FHIP1B: variants seen among roughly 807,000 people sequenced by gnomAD.
FHIP1B encodes the protein FHF complex subunit HOOK interacting protein 1B.
FHIP1B carries 28 observed loss-of-function variants against 82.2 expected under a neutral mutation model. The ratio of observed to expected loss-of-function variants is 0.34; its 90% CI spans 0.25 to 0.47. FHIP1B has a LOEUF of 0.47. Ranked by LOEUF, FHIP1B falls within the 20% of genes least tolerant of loss-of-function variation. FHIP1B has a pLI of 1.00. For synonymous variants in FHIP1B, 585 were observed against 516.1 expected (o/e 1.13, Z -1.81); for missense variants, 1,110 against 1,262.6 (o/e 0.88, Z 1.83).
At position 6,219,098 on chromosome 11, in the gene FHIP1B, C is replaced by T. The variant is rs930817706; in HGVS notation, c.1192-48G>A. The T allele has an allele frequency of 1.0e-5, 15 of 1,473,038 alleles. No individual in the cohort carries two copies. The South Asian group carries it at 1.5e-4, about 15-fold the overall frequency. The allele number at this position is 1,473,038 out of a possible 1,614,324, so 91.2% of individuals were successfully genotyped here. On this transcript the variant is annotated intron_variant, in intron 6 of 11. Coordinates refer to ENST00000449352, the MANE Select transcript of FHIP1B (RefSeq NM_001098794.2). The stretch of plus-strand genomic sequence containing the variant: ...GGGAGTCACCATAAGAGCTCTCTGC[C>T]CTCCAAGCCATTCACCAAACGGGAA...
At position 6,223,940 on chromosome 11, in the gene FHIP1B, A is replaced by G. The variant is rs781740939; in HGVS notation, c.447T>C (p.Gly149=). Residue 149 remains glycine (G), a synonymous_variant, in exon 3 of 12, where the codon GGT becomes GGC. Coordinates refer to ENST00000449352, the MANE Select transcript of FHIP1B (RefSeq NM_001098794.2). This position sits in a 1 kb window ranked among gnomAD's most constrained non-coding sequence, Gnocchi z 4.8. ...GGGTGAGCAGAGCCTCACGAACTGGACCATGCCGCAACAGTGGCTGGCGAG... is the reference window on the plus strand; with the variant it reads ...GGGTGAGCAGAGCCTCACGAACTGGGCCATGCCGCAACAGTGGCTGGCGAG... ...SEARQPLLRH[G]PVREALLTLL... 6.2e-6 allele frequency: 10 copies of G among 1,614,186 alleles called. No individual in the cohort carries two copies. The Admixed American group carries it at 6.7e-5, about 11-fold the overall frequency.
chr11:6,215,079 G>A (rs931429017), intron 9 of FHIP1B, 168 bp from the exon 10 acceptor site: 5 of 584,146 alleles, frequency 8.6e-6, no homozygotes, highest in Non-Finnish European at 1.4e-5. Context: ...GAAATAAGAT[G>A]GCAGACACCA....
Position 6,211,518 on chromosome 11 carries a change from G to C in FHIP1B, c.2907C>G (p.Pro969=), listed in dbSNP as rs1489347528. The change falls in exon 12 of 12, where the codon CCC becomes CCG. Residue 969 remains proline, a synonymous_variant. Transcript: ENST00000449352. ...GSGPLISGCG[P]LNP ...CCATGGAAGAAAGTTAAGGATTGAG[G>C]GGCCCACAGCCTGAGATGAGAGGGC... 3 of 1,596,434 alleles carry C rather than the reference G, an allele frequency of 1.9e-6. No homozygotes were observed. The highest frequency in any genetic ancestry group is 2.2e-5 in the East Asian group (1 of 44,786).
At chr11:6,226,440 A>G (rs559664343) in intron 1 of FHIP1B, among the ~76,000 whole-genome samples, 1 of 152,366 alleles carries the variant, frequency 6.6e-6, no homozygotes, top group South Asian at 2.1e-4. Flanking sequence ...TTGTAAATAG[A>G]AGTATTTATA....
Position 6,222,805 on chromosome 11 carries a change from T to G in FHIP1B, c.1023+6A>C. The G allele has an allele frequency of 1.2e-6, 2 of 1,613,836 alleles. No individual in the cohort carries two copies. Among genetic ancestry groups the G allele is most frequent in the South Asian group, 2.2e-5 (2 of 91,066 alleles). On this transcript the variant is annotated splice_donor_region_variant and intron_variant, in intron 5 of 11. Transcript: ENST00000449352. ...CCTTATATGCCTTGCCACCCATGAC[T>G]CTCACCTTGTGCAAGGCAGGACCCA...
In FHIP1B at chr11:6,217,290, A is replaced by G. The variant is rs529000908; in HGVS notation, c.2215+81T>C. The G allele has an allele frequency of 1.4e-5, 18 of 1,316,176 alleles. No individual in the cohort carries two copies. In the South Asian group the frequency reaches 2.0e-4, roughly 15 times the overall value. The allele number at this position is 1,316,176 out of a possible 1,614,324, so 81.5% of individuals were successfully genotyped here. On this transcript the variant is annotated intron_variant, in intron 9 of 11. Coordinates refer to ENST00000449352, the MANE Select transcript of FHIP1B (RefSeq NM_001098794.2). Reference sequence around the variant, plus strand: ...CAAGTACACAGAAATGACATGGCCAAGAGGTCCAAGAAACCAGCACAAACA... The same window carrying G: ...CAAGTACACAGAAATGACATGGCCAGGAGGTCCAAGAAACCAGCACAAACA...
intron 1 of FHIP1B, among the ~76,000 whole-genome samples, chr11:6,228,448 T>C (rs1216642028): frequency 6.6e-6 from 1 of 152,122 alleles, no homozygotes; most frequent in African/African-American, 2.4e-5. Flanking sequence ...CTCAAGGGTG[T>C]CTGTCAAGTG....
chr11:6,217,328 G>T, intron 9 of FHIP1B, 43 bp downstream of exon 9: 1 of 1,558,776 alleles, frequency 6.4e-7, no homozygotes. Context: ...TCGAGAACAT[G>T]CAAAGAGTAC....
chr11:6,224,204 C>T lies in FHIP1B; in HGVS notation c.183G>A (p.Gly61=). The change falls in exon 3 of 12, where the codon GGG becomes GGA. Residue 61 remains glycine, a synonymous_variant. Coordinates refer to ENST00000449352, the MANE Select transcript of FHIP1B (RefSeq NM_001098794.2). ...LERQGPRAAP[G]GADDLSAVRN... is the part of the protein sequence containing the mutation. Reference sequence around the variant, plus strand: ...GCACAGCACTGAGATCGTCTGCACCCCCAGGAGCTGCCCGAGGGCCTTGCC... The same window carrying T: ...GCACAGCACTGAGATCGTCTGCACCTCCAGGAGCTGCCCGAGGGCCTTGCC... The T allele has an allele frequency of 1.2e-6, 2 of 1,611,774 alleles. No individual in the cohort carries two copies. The highest frequency in any genetic ancestry group is 1.3e-5 in the African/African-American group (1 of 75,018).
At chr11:6,215,205 G>C in intron 9 of FHIP1B, 1 of 279,422 alleles carries the variant, frequency 3.6e-6, no homozygotes, top group Non-Finnish European at 6.6e-6. Flanking sequence ...TTACTAGTTT[G>C]GACAGGTCAA....
chr11:6,223,111 C>T lies in FHIP1B; in HGVS notation c.905G>A (p.Ser302Asn). The T allele has an allele frequency of 1.3e-6, 2 of 1,589,290 alleles. No individual in the cohort carries two copies. The highest frequency in any genetic ancestry group is 1.7e-6 in the Non-Finnish European group (2 of 1,171,972). ...LGVPALALFM[S>N]SLEFCNAVIQ... ...TACTGCATTGCAGAACTCCAGGGAACTCATGAAGAGTGCAAGGGCTGGCAC... is the reference window on the plus strand; with the variant it reads ...TACTGCATTGCAGAACTCCAGGGAATTCATGAAGAGTGCAAGGGCTGGCAC... Residue 302 changes from serine (S) to asparagine (N), a missense_variant, in exon 4 of 12, where the codon AGT (serine) becomes AAT (asparagine). By Grantham distance (46) the Ser-to-Asn change is conservative. Around this residue, in one of 6 missense-constraint regions of FHIP1B, gnomAD observed 467 missense variants for 602.9 expected, o/e 0.77. Coordinates refer to ENST00000449352, the MANE Select transcript of FHIP1B (RefSeq NM_001098794.2). This position sits in a 1 kb window ranked among gnomAD's most constrained non-coding sequence, Gnocchi z 4.8.
intron 7 of FHIP1B, 70 bp downstream of exon 7, chr11:6,218,901 T>C (rs1847328088): frequency 4.4e-6 from 7 of 1,580,464 alleles, no homozygotes; most frequent in South Asian, 2.2e-5. Flanking sequence ...ATATAGCCCA[T>C]TGCCCCAGCA....
At chr11:6,212,921 G>A (rs1327805893) in intron 11 of FHIP1B, among the ~76,000 whole-genome samples, 1 of 152,008 alleles carries the variant, frequency 6.6e-6, no homozygotes, top group Non-Finnish European at 1.5e-5. Flanking sequence ...ATCATTCTAC[G>A]TGAAATTTTA....
At position 6,224,055 on chromosome 11, in the gene FHIP1B, G is replaced by A. The variant is rs757826458; in HGVS notation, c.332C>T (p.Thr111Ile). Residue 111 changes from threonine to isoleucine, a missense_variant, in exon 3 of 12, where the codon ACA becomes ATA. By Grantham distance (89) the Thr-to-Ile change is moderately conservative. Transcript: ENST00000449352. ...AAGCTCATCCCATTGCAGCTGCCAT[G>A]TCAACACACGGGTCAGCAGATCCTC... is the stretch of plus-strand genomic sequence containing the variant. Reference protein sequence around the residue: ...LHEDLLTRVLTWQLQWDELGD... With the variant: ...LHEDLLTRVLIWQLQWDELGD... 94 of 1,613,408 alleles carry A rather than the reference G, an allele frequency of 5.8e-5. No homozygotes were observed. Among genetic ancestry groups the A allele is most frequent in the Non-Finnish European group, 7.7e-5 (91 of 1,179,688 alleles).
At chr11:6,221,763 C>T (rs1847414476) in intron 6 of FHIP1B, among the ~76,000 whole-genome samples, 2 of 152,070 alleles carry the variant, frequency 1.3e-5, no homozygotes, top group African/African-American at 4.8e-5. Context: ...CCTTGGCCAC[C>T]CTATTATTTC....
At position 6,217,613 on chromosome 11, in the gene FHIP1B, C is replaced by T; in HGVS notation, c.1973G>A (p.Gly658Glu). ...CTCGGAGATGCCCTCTAGCAGTTCC[C>T]CAGCTCCCTCCTTTGGCACCAGACG... ...KVRLVPKEGA[G>E]ELLEGISEGM... Residue 658 changes from glycine to glutamate, a missense_variant, in exon 9 of 12, where the codon GGG becomes GAG. This residue lies in a region of FHIP1B where 418 missense variants were observed against 371.4 expected (regional missense o/e 1.13). Coordinates refer to ENST00000449352, the MANE Select transcript of FHIP1B (RefSeq NM_001098794.2). 3 of 1,613,888 alleles carry T rather than the reference C, an allele frequency of 1.9e-6. No individual in the cohort carries two copies. The highest frequency in any genetic ancestry group is 2.5e-6 in the Non-Finnish European group (3 of 1,179,940).
chr11:6,229,995 C>T (rs1292585586), intron 1 of FHIP1B, among the ~76,000 whole-genome samples: 1 of 146,436 alleles, frequency 6.8e-6, no homozygotes, highest in Non-Finnish European at 1.5e-5. Context: ...AAAAAAAAAG[C>T]AGAACCTGCC....
At position 6,222,792 on chromosome 11, in the gene FHIP1B, T is replaced by A. The variant is rs1238393160; in HGVS notation, c.1023+19A>T. Reference sequence around the variant, plus strand: ...CTGCAGCTTAGCCCCTTATATGCCTTGCCACCCATGACTCTCACCTTGTGC... The same window carrying A: ...CTGCAGCTTAGCCCCTTATATGCCTAGCCACCCATGACTCTCACCTTGTGC... On this transcript the variant is annotated intron_variant, in intron 5 of 11. Coordinates refer to ENST00000449352, the MANE Select transcript of FHIP1B (RefSeq NM_001098794.2). 6.8e-6 allele frequency: 11 copies of A among 1,613,050 alleles called. 1 individual carries two copies. The South Asian group carries it at 9.9e-5, about 14-fold the overall frequency.
intron 6 of FHIP1B, 112 bp from the exon 7 acceptor site, chr11:6,219,162 G>C (rs1847338348): frequency 1.4e-6 from 1 of 728,850 alleles, no homozygotes; most frequent in Non-Finnish European, 2.4e-6. Flanking sequence ...ACCACTCCTA[G>C]AGGAACTCCT....
Sources: allele counts gnomAD v4.1 joint callset (sites outside exome capture counted in the v4.1 genomes callset), GRCh38; gene constraint gnomAD v4.1.1; regional missense constraint gnomAD v4.1.1; non-coding constraint Gnocchi (gnomAD v3.1); transcripts MANE v1.5; gene names NCBI Gene and HGNC (gene_info 2026-07-23, HGNC 2026-07-21).